The following NELL1 variants were observed in gnomAD, a reference collection of about 807,000 sequenced individuals.
NELL1 encodes neural EGFL like 1.
NELL1 carries 76 observed loss-of-function variants against 107.4 expected under a neutral mutation model. That is an observed-to-expected ratio of 0.71 (90% CI 0.59 to 0.86). The LOEUF is 0.86. NELL1 is among the 40% of genes least tolerant of loss of function. The pLI is 0.00. For synonymous variants in NELL1, 353 were observed against 341.2 expected (o/e 1.03, Z -0.38); for missense variants, 1,024 against 1,005.5 (o/e 1.02, Z -0.25).
chr11:20,798,963 G>A (rs1329488948), intron 3 of NELL1, among the ~76,000 whole-genome samples: 1 of 148,404 alleles, frequency 6.7e-6, no homozygotes, highest in African/African-American at 2.4e-5. Flanking sequence ...AGTGGGGTGA[G>A]TCAGATGATA....
intron 15 of NELL1, among the ~76,000 whole-genome samples, chr11:21,505,006 AT>A (rs1338395393): frequency 3.9e-5 from 6 of 152,116 alleles, no homozygotes; most frequent in African/African-American, 1.4e-4. Flanking sequence ...CCCCTTTTTT[AT>A]TGTTTAGTTT....
Position 20,788,700 on chromosome 11 carries a change from AT to A in NELL1, c.335+4879del, listed in dbSNP as rs201557557. ...AGGTTTTAAAATTTGATGATGTCCA[AT>A]TTTTTTTTATTTTTTATTTTTTGTG... On this transcript the variant is annotated intron_variant, in intron 3 of 19. Transcript: ENST00000357134. 5.8e-3 allele frequency among the ~76,000 whole-genome samples: 859 copies of A among 147,224 alleles called. 8 individuals are homozygous for A. Among genetic ancestry groups the A allele is most frequent in the African/African-American group, 0.02 (810 of 39,972 alleles).
intron 13 of NELL1, among the ~76,000 whole-genome samples, chr11:21,139,610 T>C (rs991413605): frequency 5.3e-5 from 8 of 152,250 alleles, no homozygotes; most frequent in Admixed American, 4.6e-4. Flanking sequence ...TTGTTGCTTT[T>C]CTTCAATCCA....
At chr11:20,904,098 TA>T (rs1394313852) in intron 5 of NELL1, among the ~76,000 whole-genome samples, 1 of 152,112 alleles carries the variant, frequency 6.6e-6, no homozygotes, top group Non-Finnish European at 1.5e-5. Flanking sequence ...TGATAAAAGG[TA>T]CTTGTAACTC....
intron 13 of NELL1, among the ~76,000 whole-genome samples, chr11:21,139,563 A>G (rs1590672162): frequency 1.3e-5 from 2 of 152,118 alleles, no homozygotes; most frequent in African/African-American, 4.8e-5. Context: ...TGTCTCTTCC[A>G]CTAGAAAATT....
chr11:21,348,146 C>A (rs1286539847), intron 14 of NELL1, among the ~76,000 whole-genome samples: 1 of 152,056 alleles, frequency 6.6e-6, no homozygotes, highest in African/African-American at 2.4e-5. Context: ...ATATGGCTTT[C>A]TAGATAGAAT....
chr11:21,275,820 T>C (rs1171209456), intron 14 of NELL1, among the ~76,000 whole-genome samples: 1 of 152,246 alleles, frequency 6.6e-6, no homozygotes, highest in Non-Finnish European at 1.5e-5. Flanking sequence ...TCTCAGTAGA[T>C]GCAGAAAAGG....
intron 11 of NELL1, among the ~76,000 whole-genome samples, chr11:20,953,253 G>C (rs1228877960): frequency 6.6e-6 from 1 of 152,180 alleles, no homozygotes; most frequent in Non-Finnish European, 1.5e-5. Flanking sequence ...CTTTGAGATT[G>C]TCCAGGTATA....
chr11:21,537,120 G>T (rs1188512106), intron 16 of NELL1, among the ~76,000 whole-genome samples: 2 of 152,234 alleles, frequency 1.3e-5, no homozygotes, highest in East Asian at 1.9e-4. Flanking sequence ...ATTTGTAAAT[G>T]ATCCTTCATC....
chr11:21,439,979 C>T (rs2133844360), intron 15 of NELL1, among the ~76,000 whole-genome samples: 1 of 152,178 alleles, frequency 6.6e-6, no homozygotes, highest in South Asian at 2.1e-4. Context: ...TATTACCTGC[C>T]TTTTGGGAGC....
intron 15 of NELL1, among the ~76,000 whole-genome samples, chr11:21,492,856 T>A (rs1854864447): frequency 6.6e-6 from 1 of 151,928 alleles, no homozygotes; most frequent in Non-Finnish European, 1.5e-5. Flanking sequence ...GTAACTAACG[T>A]GCACATTGTG....
At chr11:21,283,034 TG>T (rs1323500520) in intron 14 of NELL1, among the ~76,000 whole-genome samples, 2 of 142,838 alleles carry the variant, frequency 1.4e-5, no homozygotes, top group Non-Finnish European at 3.0e-5. Flanking sequence ...GGAAGGATAG[TG>T]GGGGAGTGTG....
chr11:20,867,251 A>G (rs16906932), intron 4 of NELL1, among the ~76,000 whole-genome samples: 3,659 of 152,274 alleles, frequency 0.024, 159 homozygotes, highest in African/African-American at 0.084. Flanking sequence ...TAATTTCTCA[A>G]TGGTTTCCTT....
At chr11:20,823,665 T>G (rs1310388575) in intron 3 of NELL1, among the ~76,000 whole-genome samples, 3 of 151,194 alleles carry the variant, frequency 2.0e-5, no homozygotes, top group African/African-American at 4.8e-5. Flanking sequence ...GAATGTCAGT[T>G]TTAAATAAGT....
chr11:21,501,413 A>G (rs2133932268), intron 15 of NELL1, among the ~76,000 whole-genome samples: 1 of 152,264 alleles, frequency 6.6e-6, no homozygotes, highest in East Asian at 1.9e-4. Flanking sequence ...CACTCCTTGG[A>G]TACTGTGTTT....
chr11:21,318,436 C>A lies in NELL1; in HGVS notation c.1550-52417C>A, dbSNP rs78487772. 5.1e-3 allele frequency among the ~76,000 whole-genome samples: 780 copies of A among 152,228 alleles called. 8 individuals are homozygous for A. Among genetic ancestry groups the A allele is most frequent in the African/African-American group, 0.016 (668 of 41,552 alleles). ...CAGAAAATCATTTCTAGGGGCTTCT[C>A]CATCTTTCCAAAGTTGCTACCTTTG... On this transcript the variant is annotated intron_variant, in intron 14 of 19. Transcript: ENST00000357134.
At position 20,821,568 on chromosome 11, in the gene NELL1, A is replaced by G. The variant is rs556888659; in HGVS notation, c.336-26015A>G. 5.9e-5 allele frequency among the ~76,000 whole-genome samples: 9 copies of G among 152,318 alleles called. No homozygotes were observed. In the South Asian group the frequency reaches 1.9e-3, roughly 32 times the overall value. On this transcript the variant is annotated intron_variant, in intron 3 of 19. Coordinates refer to ENST00000357134, the MANE Select transcript of NELL1 (RefSeq NM_006157.5). ...GGTAATAATGTCCATCTCCAAAAGG[A>G]CTTGTTATGATTATAATATGTCCAA...
intron 12 of NELL1, among the ~76,000 whole-genome samples, chr11:21,040,329 T>G (rs1414737226): frequency 1.3e-5 from 2 of 152,206 alleles, no homozygotes; most frequent in Non-Finnish European, 2.9e-5. Flanking sequence ...TGCTTTACAT[T>G]TTTTCCTATT....
rs12574839 is a variant in NELL1, at chr11:21,471,596, T to A, written c.1646-62778T>A. Among the ~76,000 whole-genome samples the A allele has an allele frequency of 0.019, 2,841 of 152,188 alleles. 250 individuals carry two copies. The East Asian group carries it at 0.27, about 15-fold the overall frequency. ...ATTGTTTGTTTACTGTGATAAGCACTTTAAATTTCTTACCCCATTTAGTAA... is the reference window on the plus strand; with the variant it reads ...ATTGTTTGTTTACTGTGATAAGCACATTAAATTTCTTACCCCATTTAGTAA... On this transcript the variant is annotated intron_variant, in intron 15 of 19. Transcript: ENST00000357134.
Sources: gnomAD v4.1 joint callset for allele counts (sites outside exome capture counted in the v4.1 genomes callset) on GRCh38, gnomAD v4.1.1 for gene constraint, MANE v1.5 for transcripts, NCBI Gene and HGNC (gene_info 2026-07-23, HGNC 2026-07-21) for gene names.